The following CCDC126 variants were observed in gnomAD, a reference collection of about 807,000 sequenced individuals.
CCDC126 encodes coiled-coil domain containing 126.
In CCDC126, 5 loss-of-function variants were observed where a neutral mutation model predicts 11.7. The observed-to-expected ratio is 0.43, with a 90% confidence interval of 0.22 to 0.90. The LOEUF is 0.90. Ranked by LOEUF, CCDC126 falls within the 40% of genes least tolerant of loss-of-function variation. CCDC126 has a pLI of 0.27. For missense variants in CCDC126, 150 were observed against 163.1 expected (o/e 0.92, Z 0.44); for synonymous variants, 60 against 61.9 (o/e 0.97, Z 0.14).
Position 23,605,990 on chromosome 7 carries a change from T to TTGTG in CCDC126, c.-145-5166_-145-5163dup, listed in dbSNP as rs550719957. On this transcript the variant is annotated intron_variant, in intron 2 of 3. Transcript: ENST00000307471. Reference sequence around the variant, plus strand: ...GCCAACACTTGTTTTCTGTTTTTTTTTGTGTGTGTGTGTGTGTGATAACTA... The same window carrying TTGTG: ...GCCAACACTTGTTTTCTGTTTTTTTTTGTGTGTGTGTGTGTGTGTGTGATAACTA... 5.6e-3 allele frequency among the ~76,000 whole-genome samples: 845 copies of TTGTG among 150,690 alleles called. 10 individuals are homozygous for TTGTG. The highest frequency in any genetic ancestry group is 0.02 in the African/African-American group (812 of 41,148).
intron 2 of CCDC126, among the ~76,000 whole-genome samples, chr7:23,610,698 C>T (rs889587200): frequency 6.6e-6 from 1 of 152,156 alleles, no homozygotes; most frequent in African/African-American, 2.4e-5. Context: ...AATGTTGGCA[C>T]ACTCTGTTTA....
intron 3 of CCDC126, among the ~76,000 whole-genome samples, chr7:23,636,510 G>A (rs1307659083): frequency 3.5e-5 from 5 of 142,520 alleles, no homozygotes; most frequent in African/African-American, 8.0e-5. Context: ...CCTCTGCCCC[G>A]CCGCCCTGTC....
chr7:23,632,920 TAGGAACTG>T (rs2128020923), intron 3 of CCDC126, among the ~76,000 whole-genome samples: 1 of 152,374 alleles, frequency 6.6e-6, no homozygotes, highest in Admixed American at 6.5e-5. Flanking sequence ...AGGCTTATTT[TAGGAACTG>T]AGGTATTTGT....
At chr7:23,621,187 G>A (rs190151896) in intron 3 of CCDC126, among the ~76,000 whole-genome samples, 7 of 152,326 alleles carry the variant, frequency 4.6e-5, no homozygotes, top group East Asian at 3.9e-4. Context: ...CCATTTTCAC[G>A]ATATTGATTC....
At chr7:23,621,560 A>G (rs1460624949) in intron 3 of CCDC126, among the ~76,000 whole-genome samples, 1 of 152,184 alleles carries the variant, frequency 6.6e-6, no homozygotes, top group African/African-American at 2.4e-5. Context: ...TCCTAATTGA[A>G]TACTCTTTAT....
chr7:23,634,364 G>A (rs1037993234), intron 3 of CCDC126, among the ~76,000 whole-genome samples: 5 of 152,098 alleles, frequency 3.3e-5, no homozygotes, highest in African/African-American at 9.7e-5. Flanking sequence ...GAGGTGGGAG[G>A]AAATCACTTG....
chr7:23,641,401 G>C (rs919466827), intron 3 of CCDC126, among the ~76,000 whole-genome samples: 2 of 152,090 alleles, frequency 1.3e-5, no homozygotes, highest in Non-Finnish European at 2.9e-5. Flanking sequence ...ATTCTAGGTA[G>C]TAGATCTTTA....
At chr7:23,601,606 G>A (rs1243318377) in intron 2 of CCDC126, among the ~76,000 whole-genome samples, 2 of 152,120 alleles carry the variant, frequency 1.3e-5, no homozygotes, top group Non-Finnish European at 2.9e-5. Flanking sequence ...TTCTCTGTAT[G>A]TTTGACTTTG....
At chr7:23,640,992 GT>G (rs70954400) in intron 3 of CCDC126, among the ~76,000 whole-genome samples, 23 of 123,260 alleles carry the variant, frequency 1.9e-4, no homozygotes, top group East Asian at 4.7e-4. Context: ...AATCCTTTTG[GT>G]TTTTTTTTTT....
intron 3 of CCDC126, among the ~76,000 whole-genome samples, chr7:23,625,997 T>G (rs1783008944): frequency 6.6e-6 from 1 of 151,660 alleles, no homozygotes. Context: ...TGTCATGTGT[T>G]ACAGAGGTTT....
At chr7:23,642,368 C>T (rs991600125) in intron 3 of CCDC126, among the ~76,000 whole-genome samples, 1 of 152,126 alleles carries the variant, frequency 6.6e-6, no homozygotes, top group Non-Finnish European at 1.5e-5. Context: ...CATTTTGAAC[C>T]AGACTTTAAA....
At chr7:23,640,652 C>T (rs565718337) in intron 3 of CCDC126, among the ~76,000 whole-genome samples, 23 of 152,114 alleles carry the variant, frequency 1.5e-4, no homozygotes, top group Non-Finnish European at 3.2e-4. Context: ...TCCTTCCTTC[C>T]CTGATCCTTA....
chr7:23,636,087 A>G (rs1783205137), intron 3 of CCDC126, among the ~76,000 whole-genome samples: 1 of 151,322 alleles, frequency 6.6e-6, no homozygotes. Context: ...GCTGGTCTCC[A>G]GCTCCTAACC....
chr7:23,619,851 G>A (rs890430509), intron 3 of CCDC126, among the ~76,000 whole-genome samples: 4 of 150,932 alleles, frequency 2.7e-5, no homozygotes, highest in African/African-American at 4.9e-5. Flanking sequence ...CTGTCCTTGC[G>A]ATAGTTTGCT....
intron 1 of CCDC126, 175 bp from the exon 2 acceptor site, chr7:23,597,792 C>G (rs1248827279): frequency 6.6e-6 from 1 of 152,180 alleles, no homozygotes; most frequent in African/African-American, 2.4e-5. Flanking sequence ...CTCTTTGTCC[C>G]TTCCTTTGGG....
intron 3 of CCDC126, chr7:23,622,568 T>G (rs1169434768): frequency 5.6e-6 from 3 of 536,416 alleles, no homozygotes; most frequent in African/African-American, 1.9e-5. Flanking sequence ...TGTAACTGAT[T>G]GTGTAATGGC....
At position 23,643,035 on chromosome 7, in the gene CCDC126, A is replaced by G. The variant is rs762587285; in HGVS notation, c.343A>G (p.Asn115Asp). 6.2e-7 allele frequency: 1 copy of G among 1,614,214 alleles called. No homozygotes were observed. Among genetic ancestry groups the G allele is most frequent in the East Asian group, 2.2e-5 (1 of 44,878 alleles). ...DYIVVNGSAA[N>D]TTNGTSGNLV... ...TATTGTTGTGAATGGCTCAGCAGCC[A>G]ACACCACCAATGGTACTAGTGGGAA... is the stretch of plus-strand genomic sequence containing the variant. Residue 115 changes from asparagine to aspartate, a missense_variant, in exon 4 of 4, where the codon AAC becomes GAC. By Grantham distance (23) the Asn-to-Asp change is conservative. Transcript: ENST00000307471.
chr7:23,630,345 A>G (rs1407256944), intron 3 of CCDC126, among the ~76,000 whole-genome samples: 1 of 152,018 alleles, frequency 6.6e-6, no homozygotes, highest in East Asian at 1.9e-4. Context: ...CTAAAAATAC[A>G]AAAATTAGCT....
rs747953076 is a variant in CCDC126, at chr7:23,611,431, A to G, written c.116A>G (p.His39Arg). 1.2e-5 allele frequency: 19 copies of G among 1,613,874 alleles called. No homozygotes were observed. In the African/African-American group the frequency reaches 2.3e-4, roughly 19 times the overall value. Residue 39 changes from histidine (H) to arginine (R), a missense_variant, in exon 3 of 4, where the codon CAT (histidine) becomes CGT (arginine). By Grantham distance (29) the His-to-Arg change is conservative (BLOSUM62 0). Transcript: ENST00000307471. ...CACTATACTTTTCAACAACCAAGAC[A>G]TCAAAGCAGTGTCAAGTTACGTGAG... ...LLHYTFQQPR[H>R]QSSVKLREQI...
Sources: gnomAD v4.1 joint callset for allele counts (sites outside exome capture counted in the v4.1 genomes callset) on GRCh38, gnomAD v4.1.1 for gene constraint, MANE v1.5 for transcripts, NCBI Gene and HGNC (gene_info 2026-07-23, HGNC 2026-07-21) for gene names.